The following VPS13D variants were observed in gnomAD, a reference collection of about 807,000 sequenced individuals.
VPS13D encodes vacuolar protein sorting 13 homolog D.
Under a neutral mutation model 461.9 loss-of-function variants are expected in VPS13D, and 187 were observed. The ratio of observed to expected loss-of-function variants is 0.40; its 90% CI spans 0.36 to 0.46. The LOEUF (loss-of-function observed/expected upper bound fraction) is 0.46. Among genes scored for constraint, VPS13D ranks in the 20% least tolerant of loss-of-function variants. VPS13D has a pLI of 0.60. For synonymous variants in VPS13D, 1,951 were observed against 1,986.3 expected, an observed-to-expected ratio of 0.98 and a Z score of 0.47; for missense variants, 4,711 against 5,364.9, an observed-to-expected ratio of 0.88 and a Z score of 3.81.
At chr1:12,386,083 C>T (rs1043694522) in intron 59 of VPS13D, 102 bp from the exon 60 acceptor site, 16 of 1,346,566 alleles carry the variant, frequency 1.2e-5, no homozygotes, top group African/African-American at 4.5e-5. Flanking sequence ...GCTGAGAGAT[C>T]GGGAGTAGAG....
intron 69 of VPS13D, among the ~76,000 whole-genome samples, 169 bp from the exon 70 acceptor site, chr1:12,508,724 C>G (rs1038417893): frequency 3.3e-5 from 5 of 151,978 alleles, no homozygotes; most frequent in African/African-American, 1.2e-4. Context: ...GGACCCACCC[C>G]AGACTTGTGA....
chr1:12,365,951 T>G (rs1225266791), intron 52 of VPS13D, among the ~76,000 whole-genome samples: 1 of 152,154 alleles, frequency 6.6e-6, no homozygotes, highest in Non-Finnish European at 1.5e-5. Context: ...TTGCCCAGGC[T>G]TGAGTGCAGT....
At chr1:12,230,899 C>T (rs1212412985) in intron 1 of VPS13D, among the ~76,000 whole-genome samples, 2 of 152,006 alleles carry the variant, frequency 1.3e-5, no homozygotes, top group African/African-American at 2.4e-5. Context: ...CTGAGGGTTC[C>T]GAGAGCTGGG....
intron 21 of VPS13D, among the ~76,000 whole-genome samples, chr1:12,287,331 T>C (rs9430729): frequency 0.21 from 32,290 of 152,066 alleles, 6,198 homozygotes; most frequent in African/African-American, 0.51. Flanking sequence ...AATGATTTTT[T>C]TTCTTCCTTT....
chr1:12,288,209 T>G lies in VPS13D; in HGVS notation c.5635-14T>G. 1 of 1,605,488 alleles carries G rather than the reference T, an allele frequency of 6.2e-7. No homozygotes were observed. The highest frequency in any genetic ancestry group is 8.5e-7 in the Non-Finnish European group (1 of 1,173,268). On this transcript the variant is annotated splice_polypyrimidine_tract_variant and intron_variant, in intron 21 of 69. Transcript: ENST00000620676. ...CCAGTAATATTGGCCTTGCTTTATC[T>G]TGTCTGTTCCTAGGTTCATTCACTT... is the stretch of plus-strand genomic sequence containing the variant.
rs1641094449 is a variant in VPS13D, at chr1:12,261,123, A to G, written c.1388A>G (p.Glu463Gly). ...GAGGGACTGTCAGCAGAGCAACAGGAGCAGTGGATTCCTGAAGAGATCCTG... is the reference window on the plus strand; with the variant it reads ...GAGGGACTGTCAGCAGAGCAACAGGGGCAGTGGATTCCTGAAGAGATCCTG... ...VVEGLSAEQQEQWIPEEILGT... is the reference protein window; with the variant it reads ...VVEGLSAEQQGQWIPEEILGT... The change falls in exon 12 of 70, where the codon GAG becomes GGG. Residue 463 changes from glutamate (E) to glycine (G), a missense_variant. Physicochemically the swap from Glu to Gly is moderately conservative, Grantham distance 98 (BLOSUM62 -2). Around this residue, in one of 3 missense-constraint regions of VPS13D, gnomAD observed 4,411 missense variants for 4,937.8 expected, o/e 0.89. Transcript: ENST00000620676. 1.2e-6 allele frequency: 2 copies of G among 1,614,200 alleles called. No homozygotes were observed. Among genetic ancestry groups the G allele is most frequent in the Non-Finnish European group, 1.7e-6 (2 of 1,180,030 alleles).
At chr1:12,506,684 A>C (rs1282693673) in intron 68 of VPS13D, among the ~76,000 whole-genome samples, 169 bp from the exon 69 acceptor site, 1 of 152,268 alleles carries the variant, frequency 6.6e-6, no homozygotes, top group Non-Finnish European at 1.5e-5. Context: ...ATGCTCACAG[A>C]AAAACAACAA....
intron 13 of VPS13D, 27 bp downstream of exon 13, chr1:12,262,107 C>A: frequency 6.3e-7 from 1 of 1,588,576 alleles, no homozygotes; most frequent in Non-Finnish European, 8.6e-7. Flanking sequence ...AAACTACCTG[C>A]CACTGTTGTC....
chr1:12,335,853 A>G (rs1389609815), intron 39 of VPS13D, 26 bp downstream of exon 39: 1 of 1,613,586 alleles, frequency 6.2e-7, no homozygotes. Flanking sequence ...ACATGTGTTT[A>G]ACTAAATCAC....
chr1:12,419,732 G>T (rs924104727), intron 65 of VPS13D, among the ~76,000 whole-genome samples: 4 of 152,112 alleles, frequency 2.6e-5, no homozygotes, highest in Non-Finnish European at 4.4e-5. Context: ...CTCCAACATT[G>T]GGGATTATAA....
In VPS13D at chr1:12,314,219, C is replaced by A; in HGVS notation, c.7040C>A (p.Ala2347Asp). The A allele has an allele frequency of 6.2e-7, 1 of 1,614,154 alleles. No individual in the cohort carries two copies. Among genetic ancestry groups the A allele is most frequent in the Non-Finnish European group, 8.5e-7 (1 of 1,180,020 alleles). The change falls in exon 30 of 70, where the codon GCT becomes GAT. Residue 2347 changes from alanine (A) to aspartate (D), a missense_variant. By Grantham distance (126) the Ala-to-Asp change is moderately radical. Coordinates refer to ENST00000620676, the MANE Select transcript of VPS13D (RefSeq NM_015378.4). ...HSMMAFDTRYAGQKTSPGMTN... is the reference protein window; with the variant it reads ...HSMMAFDTRYDGQKTSPGMTN... Reference sequence around the variant, plus strand: ...ATGATGGCTTTTGACACCCGTTATGCTGGGCAGAAGACCAGCCCTGGCATG... The same window carrying A: ...ATGATGGCTTTTGACACCCGTTATGATGGGCAGAAGACCAGCCCTGGCATG...
chr1:12,508,387 G>A (rs934254530), intron 69 of VPS13D, among the ~76,000 whole-genome samples: 15 of 152,164 alleles, frequency 9.9e-5, no homozygotes, highest in South Asian at 6.2e-4. Context: ...GTGAGTATGG[G>A]TTGGCTGTAC....
chr1:12,278,054 C>T lies in VPS13D; in HGVS notation c.4450+16C>T. The T allele has an allele frequency of 6.3e-7, 1 of 1,588,034 alleles. No individual in the cohort carries two copies. ...AGAGGTCAAGGTGAGGAGCATCAGT[C>T]TTTTGTTCTATTTTGTTTAATGATT... On this transcript the variant is annotated intron_variant, in intron 19 of 69. Transcript: ENST00000620676.
chr1:12,381,922 T>TTTCTTTCTTTCTTTCTTTCTTTC (rs1553185972), intron 57 of VPS13D, among the ~76,000 whole-genome samples: 1 of 101,168 alleles, frequency 9.9e-6, no homozygotes, highest in Admixed American at 1.2e-4. Context: ...CTTTCTTTTC[T>TTTCTTTCTTTCTTTCTTTCTTTC]TTTCTTTCTT....
chr1:12,288,112 C>T, intron 21 of VPS13D, 111 bp from the exon 22 acceptor site: 2 of 896,670 alleles, frequency 2.2e-6, no homozygotes, highest in Non-Finnish European at 3.6e-6. Context: ...AAAGCATTAC[C>T]TTCAAGTTTC....
In VPS13D at chr1:12,502,447, G is replaced by A. The variant is rs1646047861; in HGVS notation, c.12795-4406G>A. Among the ~76,000 whole-genome samples the A allele has an allele frequency of 2.6e-5, 4 of 151,988 alleles. No homozygotes were observed. The highest frequency in any genetic ancestry group is 9.7e-5 in the African/African-American group (4 of 41,364). On this transcript the variant is annotated intron_variant, in intron 68 of 69. Transcript: ENST00000620676. The surrounding 1 kb of genome is among the most constrained non-coding windows in gnomAD (Gnocchi z 4.3). Reference sequence around the variant, plus strand: ...GAGAAGGAGCATCTCCCCAGTGGACGAGCTGAGGTCCCCTGAAGAGGGCCT... The same window carrying A: ...GAGAAGGAGCATCTCCCCAGTGGACAAGCTGAGGTCCCCTGAAGAGGGCCT...
At chr1:12,439,276 G>A (rs1339102054) in intron 65 of VPS13D, among the ~76,000 whole-genome samples, 1 of 152,084 alleles carries the variant, frequency 6.6e-6, no homozygotes, top group Non-Finnish European at 1.5e-5. Flanking sequence ...CTGCCACACT[G>A]TTCTCGCTGC....
chr1:12,271,183 G>T, intron 17 of VPS13D, 59 bp downstream of exon 17: 2 of 1,605,434 alleles, frequency 1.2e-6, no homozygotes, highest in East Asian at 2.2e-5. Context: ...AATTCTTTCC[G>T]TCAAGTCACT....
intron 30 of VPS13D, among the ~76,000 whole-genome samples, chr1:12,316,646 A>G (rs912953022): frequency 2.0e-5 from 3 of 152,228 alleles, no homozygotes; most frequent in Admixed American, 2.0e-4. Flanking sequence ...AGCCAGGTTT[A>G]GGGGAAATGA....
Sources: allele counts gnomAD v4.1 joint callset (sites outside exome capture counted in the v4.1 genomes callset), GRCh38; gene constraint gnomAD v4.1.1; regional missense constraint gnomAD v4.1.1; non-coding constraint Gnocchi (gnomAD v3.1); transcripts MANE v1.5; gene names NCBI Gene and HGNC (gene_info 2026-07-23, HGNC 2026-07-21).